Variants in GPC5 observed in about 807,000 individuals in gnomAD.
GPC5 encodes the protein glypican-5.
In GPC5, 47 loss-of-function variants were observed where a neutral mutation model predicts 53.9. That is an observed-to-expected ratio of 0.87 (90% CI 0.69 to 1.11). The LOEUF (loss-of-function observed/expected upper bound fraction) is 1.11, where lower values mean the gene tolerates loss of function less well. GPC5 is among the 50% of genes most tolerant of loss of function. GPC5 has a pLI of 0.00. For missense variants in GPC5, 748 were observed against 713.1 expected (o/e 1.05, Z -0.56); for synonymous variants, 286 against 263.3 (o/e 1.09, Z -0.84).
chr13:92,663,944 C>T (rs61975923), intron 7 of GPC5, among the ~76,000 whole-genome samples: 31,171 of 137,276 alleles, frequency 0.23, 4,653 homozygotes, highest in South Asian at 0.38. Flanking sequence ...TGGTGCTGCA[C>T]GCCTGTAGTC....
chr13:91,614,609 G>A (rs1017669974), intron 2 of GPC5, among the ~76,000 whole-genome samples: 7 of 152,106 alleles, frequency 4.6e-5, no homozygotes, highest in African/African-American at 1.4e-4. Context: ...GGGATTACAG[G>A]CATGAGCTAC....
At chr13:91,890,327 C>A (rs1335866347) in intron 5 of GPC5, among the ~76,000 whole-genome samples, 1 of 152,108 alleles carries the variant, frequency 6.6e-6, no homozygotes. Flanking sequence ...AAATAAATGA[C>A]TCTATTTTAA....
At chr13:92,472,006 G>GA in intron 7 of GPC5, among the ~76,000 whole-genome samples, 1 of 152,166 alleles carries the variant, frequency 6.6e-6, no homozygotes, top group South Asian at 2.1e-4. Flanking sequence ...AGGTAATTTG[G>GA]ACCCTCTTAA....
chr13:92,788,240 T>C (rs2138770985), intron 7 of GPC5, among the ~76,000 whole-genome samples: 1 of 152,172 alleles, frequency 6.6e-6, no homozygotes, highest in Non-Finnish European at 1.5e-5. Flanking sequence ...CTTTCTCAGA[T>C]GATAGTGTAA....
At chr13:92,217,053 C>CAGT (rs2042415643) in intron 7 of GPC5, among the ~76,000 whole-genome samples, 1 of 151,964 alleles carries the variant, frequency 6.6e-6, no homozygotes, top group Non-Finnish European at 1.5e-5. Context: ...GGGTAGCGCC[C>CAGT]AGTCCCTCTG....
At chr13:92,000,983 C>A (rs756752373) in intron 6 of GPC5, among the ~76,000 whole-genome samples, 7 of 149,966 alleles carry the variant, frequency 4.7e-5, no homozygotes, top group Non-Finnish European at 1.0e-4. Context: ...GAAGAGATGG[C>A]CTTAGCTGTA....
chr13:92,527,277 A>C lies in GPC5; in HGVS notation c.1562-339005A>C, dbSNP rs1226463832. Among the ~76,000 whole-genome samples, 2 of 146,182 alleles carry C rather than the reference A, an allele frequency of 1.4e-5. 1 individual carries two copies. The highest frequency in any genetic ancestry group is 4.4e-4 in the South Asian group (2 of 4,532). On this transcript the variant is annotated intron_variant, in intron 7 of 7. Coordinates refer to ENST00000377067, the MANE Select transcript of GPC5 (RefSeq NM_004466.6). ...AAAGAAAGAAAGAAAGAAAGAAAGA[A>C]AGAAAAAGATCAACAGGCAAAGAGA...
intron 7 of GPC5, among the ~76,000 whole-genome samples, chr13:92,233,566 C>A (rs572663713): frequency 2.0e-5 from 3 of 152,258 alleles, no homozygotes; most frequent in African/African-American, 4.8e-5. Flanking sequence ...AAGGAAAAAT[C>A]ATACAATATG....
At chr13:92,147,019 C>T (rs552351491) in intron 7 of GPC5, among the ~76,000 whole-genome samples, 14 of 151,980 alleles carry the variant, frequency 9.2e-5, no homozygotes, top group Admixed American at 5.2e-4. Flanking sequence ...TGATAAATGA[C>T]GTGACGTGAA....
chr13:92,804,238 G>A (rs146529209), intron 7 of GPC5, among the ~76,000 whole-genome samples: 109 of 151,992 alleles, frequency 7.2e-4, no homozygotes, highest in African/African-American at 2.6e-3. Context: ...TCTATTAAGA[G>A]GCAGCAAGCA....
chr13:92,433,888 A>G (rs1359700163), intron 7 of GPC5, among the ~76,000 whole-genome samples: 2 of 152,192 alleles, frequency 1.3e-5, no homozygotes, highest in Non-Finnish European at 2.9e-5. Flanking sequence ...GCTTTACATG[A>G]TTAGGATTCT....
chr13:92,186,540 A>C (rs1394676832), intron 7 of GPC5, among the ~76,000 whole-genome samples: 2 of 152,212 alleles, frequency 1.3e-5, no homozygotes, highest in Non-Finnish European at 2.9e-5. Context: ...GGAATTAAAC[A>C]CAAATGCTTA....
intron 7 of GPC5, among the ~76,000 whole-genome samples, chr13:92,445,788 G>T (rs9589543): frequency 6.6e-6 from 1 of 151,956 alleles, no homozygotes; most frequent in African/African-American, 2.4e-5. Context: ...GTGTGCATGT[G>T]TCTTTATAGC....
chr13:92,462,945 T>C (rs552744828), intron 7 of GPC5, among the ~76,000 whole-genome samples: 1 of 152,112 alleles, frequency 6.6e-6, no homozygotes, highest in Non-Finnish European at 1.5e-5. Context: ...CATTTTTAAA[T>C]CAAGGAGTTC....
chr13:92,256,431 C>T (rs2042726936), intron 7 of GPC5, among the ~76,000 whole-genome samples: 1 of 151,930 alleles, frequency 6.6e-6, no homozygotes, highest in African/African-American at 2.4e-5. Context: ...TGTTTTGAAA[C>T]ATTTTCAAAC....
chr13:92,405,886 A>C lies in GPC5; in HGVS notation c.1561+260897A>C, dbSNP rs114554294. Among the ~76,000 whole-genome samples the C allele has an allele frequency of 6.4e-3, 979 of 152,324 alleles. 6 individuals are homozygous for C. Among genetic ancestry groups the C allele is most frequent in the African/African-American group, 0.022 (933 of 41,570 alleles). On this transcript the variant is annotated intron_variant, in intron 7 of 7. Coordinates refer to ENST00000377067, the MANE Select transcript of GPC5 (RefSeq NM_004466.6). Reference sequence around the variant, plus strand: ...TGACTGAAAATTTCTGGTGTTTTAGATTTGACCTACTTCCCTTATTCTTCT... The same window carrying C: ...TGACTGAAAATTTCTGGTGTTTTAGCTTTGACCTACTTCCCTTATTCTTCT...
intron 7 of GPC5, among the ~76,000 whole-genome samples, chr13:92,543,738 T>C (rs954782357): frequency 2.2e-4 from 33 of 152,138 alleles, no homozygotes; most frequent in African/African-American, 7.7e-4. Flanking sequence ...ATTTTTTTAA[T>C]GCAAGGAAGA....
intron 7 of GPC5, among the ~76,000 whole-genome samples, chr13:92,628,314 C>T (rs1290879881): frequency 2.2e-5 from 2 of 91,348 alleles, no homozygotes; most frequent in Non-Finnish European, 4.1e-5. Context: ...CTCGCTCTGT[C>T]ACCCAGGCTG....
intron 6 of GPC5, among the ~76,000 whole-genome samples, chr13:92,110,318 T>C (rs1214314322): frequency 2.0e-5 from 3 of 152,196 alleles, no homozygotes; most frequent in Non-Finnish European, 4.4e-5. Context: ...CTGAGACTTC[T>C]GGAATTTGAA....
Sources: allele counts gnomAD v4.1 joint callset (sites outside exome capture counted in the v4.1 genomes callset), GRCh38; gene constraint gnomAD v4.1.1; transcripts MANE v1.5; gene names NCBI Gene and HGNC (gene_info 2026-07-23, HGNC 2026-07-21).